CNBD1: variants seen among roughly 807,000 people sequenced by gnomAD.
CNBD1 encodes cyclic nucleotide-binding domain-containing protein 1.
In CNBD1, 71 loss-of-function variants were observed where a neutral mutation model predicts 54.4. The observed-to-expected ratio is 1.30, with a 90% confidence interval of 1.08 to 1.59. The LOEUF (loss-of-function observed/expected upper bound fraction) is 1.59, where lower values mean the gene tolerates loss of function less well. Among genes scored for constraint, CNBD1 ranks in the 40% most tolerant of loss-of-function variants. The probability of loss-of-function intolerance (pLI) is 0.00; values close to 1 mark genes in which losing one functional copy is unlikely to be tolerated. For synonymous variants in CNBD1, 182 were observed against 170.7 expected (o/e 1.07, Z -0.51); for missense variants, 659 against 518.0 (o/e 1.27, Z -2.64).
intron 8 of CNBD1, among the ~76,000 whole-genome samples, chr8:87,317,017 G>A (rs1184793058): frequency 6.6e-6 from 1 of 151,628 alleles, no homozygotes; most frequent in Non-Finnish European, 1.5e-5. Flanking sequence ...AACTTCTCTA[G>A]GTCTCATTTT....
intron 4 of CNBD1, among the ~76,000 whole-genome samples, chr8:87,059,229 A>G (rs753619032): frequency 6.6e-6 from 1 of 152,172 alleles, no homozygotes; most frequent in Non-Finnish European, 1.5e-5. Context: ...GGACATTCCA[A>G]ACTTCCCCAC....
rs576386532 is a variant in CNBD1, at chr8:87,032,237, A to G, written c.431+92483A>G. 2.6e-5 allele frequency among the ~76,000 whole-genome samples: 4 copies of G among 152,288 alleles called. No homozygotes were observed. The South Asian group carries it at 8.3e-4, about 32-fold the overall frequency. Reference sequence around the variant, plus strand: ...TTCACCCTTGAACAATGTGGGGGGTAGGGGCGTTGACCACCTGTGCAGTTG... The same window carrying G: ...TTCACCCTTGAACAATGTGGGGGGTGGGGGCGTTGACCACCTGTGCAGTTG... On this transcript the variant is annotated intron_variant, in intron 4 of 10. Coordinates refer to ENST00000518476, the MANE Select transcript of CNBD1 (RefSeq NM_173538.3).
chr8:86,965,837 T>C (rs981828785), intron 4 of CNBD1, among the ~76,000 whole-genome samples: 2 of 152,158 alleles, frequency 1.3e-5, no homozygotes, highest in African/African-American at 4.8e-5. Context: ...GCTCCTCTCA[T>C]AGGCAGATCA....
chr8:87,019,463 T>C (rs1563437042), intron 4 of CNBD1, among the ~76,000 whole-genome samples: 1 of 152,070 alleles, frequency 6.6e-6, no homozygotes, highest in Non-Finnish European at 1.5e-5. Context: ...GGGAGAAAAA[T>C]AGATTTGTCT....
intron 4 of CNBD1, among the ~76,000 whole-genome samples, chr8:87,172,791 G>A (rs1440149342): frequency 1.3e-5 from 2 of 151,666 alleles, no homozygotes; most frequent in African/African-American, 2.4e-5. Flanking sequence ...TTTCTTGTAG[G>A]CAACAGATTG....
At chr8:87,004,306 C>T (rs968852730) in intron 4 of CNBD1, among the ~76,000 whole-genome samples, 1 of 152,114 alleles carries the variant, frequency 6.6e-6, no homozygotes, top group African/African-American at 2.4e-5. Context: ...GAGTAAGATG[C>T]ACTCAAAGTT....
At chr8:87,256,023 T>G (rs868208451) in intron 6 of CNBD1, among the ~76,000 whole-genome samples, 1 of 56,702 alleles carries the variant, frequency 1.8e-5, no homozygotes, top group Non-Finnish European at 3.8e-5. Flanking sequence ...ATATTTTTTT[T>G]TTTTTTTTTT....
chr8:87,142,258 T>A (rs1483502476), intron 4 of CNBD1, among the ~76,000 whole-genome samples: 1 of 152,120 alleles, frequency 6.6e-6, no homozygotes, highest in Non-Finnish European at 1.5e-5. Flanking sequence ...ATGAGTAAAA[T>A]TCTGTGAAGA....
rs149925417 is a variant in CNBD1, at chr8:87,148,563, A to C, written c.432-57430A>C. 2.7e-3 allele frequency among the ~76,000 whole-genome samples: 404 copies of C among 152,294 alleles called. 4 individuals are homozygous for C. Among genetic ancestry groups the C allele is most frequent in the African/African-American group, 9.0e-3 (375 of 41,576 alleles). ...GGCTGTTCTGTGGCAGAGAAGGGGA[A>C]TACTAATCTAGAAACAGGCATAGAC... On this transcript the variant is annotated intron_variant, in intron 4 of 10. Coordinates refer to ENST00000518476, the MANE Select transcript of CNBD1 (RefSeq NM_173538.3).
At chr8:87,327,605 G>T (rs932976639) in intron 8 of CNBD1, among the ~76,000 whole-genome samples, 1 of 152,194 alleles carries the variant, frequency 6.6e-6, no homozygotes, top group Non-Finnish European at 1.5e-5. Context: ...CTCAGAAAGG[G>T]AACTCCCTGA....
intron 5 of CNBD1, among the ~76,000 whole-genome samples, chr8:87,231,799 C>T (rs1165164274): frequency 2.0e-5 from 3 of 152,028 alleles, no homozygotes; most frequent in African/African-American, 7.2e-5. Flanking sequence ...CAGTGATGTG[C>T]ATATGTATAC....
chr8:86,943,388 AAAG>A (rs1270474915), intron 4 of CNBD1, among the ~76,000 whole-genome samples: 2 of 150,926 alleles, frequency 1.3e-5, no homozygotes, highest in Non-Finnish European at 3.0e-5. Context: ...AAAAAAAAAA[AAAG>A]AAATGCAAAG....
At chr8:87,339,892 TTC>T (rs1248282539) in intron 8 of CNBD1, among the ~76,000 whole-genome samples, 19 of 152,314 alleles carry the variant, frequency 1.2e-4, no homozygotes, top group African/African-American at 4.3e-4. Context: ...TGCTTTTAAC[TTC>T]TATACCAAAA....
At chr8:86,904,225 T>G (rs1808981651) in intron 2 of CNBD1, among the ~76,000 whole-genome samples, 1 of 152,076 alleles carries the variant, frequency 6.6e-6, no homozygotes, top group South Asian at 2.1e-4. Context: ...CGGCAACTAT[T>G]GGCTAAGATG....
chr8:87,265,097 T>A (rs887382633), intron 6 of CNBD1, among the ~76,000 whole-genome samples: 9 of 152,228 alleles, frequency 5.9e-5, no homozygotes, highest in East Asian at 3.9e-4. Context: ...CTGAATGGTA[T>A]TGCCTAGGTT....
chr8:87,129,087 AAAAAG>A (rs1413920914), intron 4 of CNBD1, among the ~76,000 whole-genome samples: 1 of 146,138 alleles, frequency 6.8e-6, no homozygotes, highest in Non-Finnish European at 1.5e-5. Context: ...AAAAAAAAAA[AAAAAG>A]AATTTTGCTA....
chr8:86,931,407 G>T (rs1723722287), intron 3 of CNBD1, among the ~76,000 whole-genome samples: 1 of 152,162 alleles, frequency 6.6e-6, no homozygotes, highest in Non-Finnish European at 1.5e-5. Context: ...GTCCTCTTGG[G>T]CTGTGCACCT....
At chr8:87,239,232 A>G (rs1654239151) in intron 6 of CNBD1, among the ~76,000 whole-genome samples, 1 of 152,190 alleles carries the variant, frequency 6.6e-6, no homozygotes, top group Admixed American at 6.5e-5. Context: ...AAGTTTGCAG[A>G]AGGACAAGTA....
chr8:86,998,229 A>T (rs1305759134), intron 4 of CNBD1, among the ~76,000 whole-genome samples: 2 of 150,306 alleles, frequency 1.3e-5, no homozygotes, highest in Admixed American at 6.6e-5. Flanking sequence ...TTTAATATAT[A>T]TTGCTGATTT....
Sources: gnomAD v4.1 joint callset for allele counts (sites outside exome capture counted in the v4.1 genomes callset) on GRCh38, gnomAD v4.1.1 for gene constraint, MANE v1.5 for transcripts, NCBI Gene and HGNC (gene_info 2026-07-23, HGNC 2026-07-21) for gene names.